CSMD3: variants seen among roughly 807,000 people sequenced by gnomAD.
The protein encoded by CSMD3 is CUB and Sushi multiple domains 3.
A neutral mutation model predicts 435.2 loss-of-function variants in CSMD3; 177 were observed. That is an observed-to-expected ratio of 0.41 (90% confidence interval 0.36 to 0.46). The LOEUF is 0.46. Among genes scored for constraint, CSMD3 ranks in the 20% least tolerant of loss-of-function variants. The pLI, the probability that CSMD3 is intolerant of heterozygous loss-of-function variation, is 0.34. For missense variants in CSMD3, 4,265 were observed against 4,504.6 expected (o/e 0.95, Z 1.52); for synonymous variants, 1,656 against 1,520.5 (o/e 1.09, Z -2.07).
chr8:113,210,454 A>T (rs1255405849), intron 3 of CSMD3, among the ~76,000 whole-genome samples: 1 of 152,148 alleles, frequency 6.6e-6, no homozygotes, highest in Non-Finnish European at 1.5e-5. Context: ...TAAATACGAA[A>T]AATATCAATA....
At chr8:113,419,617 C>A (rs1443540951) in intron 1 of CSMD3, among the ~76,000 whole-genome samples, 1 of 152,078 alleles carries the variant, frequency 6.6e-6, no homozygotes, top group South Asian at 2.1e-4. Flanking sequence ...GCTCTCAATT[C>A]TTTACTTGGG....
chr8:113,265,745 C>A (rs2132383470), intron 3 of CSMD3, among the ~76,000 whole-genome samples: 1 of 151,528 alleles, frequency 6.6e-6, no homozygotes, highest in Non-Finnish European at 1.5e-5. Flanking sequence ...ACATTTACAA[C>A]TGCTTAGAAG....
intron 4 of CSMD3, among the ~76,000 whole-genome samples, chr8:113,161,348 G>C (rs2131834451): frequency 6.6e-6 from 1 of 152,240 alleles, no homozygotes; most frequent in South Asian, 2.1e-4. Context: ...CCAGTGTAAA[G>C]TTTGGCAGGT....
chr8:112,573,317 G>A (rs1388760056), intron 24 of CSMD3, among the ~76,000 whole-genome samples, 184 bp downstream of exon 24: 2 of 151,838 alleles, frequency 1.3e-5, no homozygotes, highest in African/African-American at 2.4e-5. Context: ...ACTGTAAAAT[G>A]GCAATAGCTA....
chr8:113,427,999 T>G (rs909141690), intron 1 of CSMD3, among the ~76,000 whole-genome samples: 4 of 151,776 alleles, frequency 2.6e-5, no homozygotes, highest in East Asian at 1.9e-4. Flanking sequence ...TTTATCTTAC[T>G]TAATGTGCTA....
At chr8:112,806,265 A>C (rs1029277333) in intron 12 of CSMD3, among the ~76,000 whole-genome samples, 11 of 152,206 alleles carry the variant, frequency 7.2e-5, no homozygotes, top group African/African-American at 2.7e-4. Flanking sequence ...CAAATTTTGC[A>C]AAGACTTTCC....
chr8:112,886,057 C>A (rs2081579625), intron 10 of CSMD3, among the ~76,000 whole-genome samples: 1 of 151,744 alleles, frequency 6.6e-6, no homozygotes, highest in East Asian at 2.0e-4. Flanking sequence ...ATTACCCAAT[C>A]CGAAAGATGT....
At position 112,228,840 on chromosome 8, in the gene CSMD3, T is replaced by G; in HGVS notation, c.10880A>C (p.Asn3627Thr). 4 of 1,591,170 alleles carry G rather than the reference T, an allele frequency of 2.5e-6. No individual in the cohort carries two copies. Among genetic ancestry groups the G allele is most frequent in the Non-Finnish European group, 3.4e-6 (4 of 1,159,908 alleles). ...AATAGCAATGGCTACAGAACTACTA[T>G]TTGTACCATGAGGTTGATTTGAAGA... ...SNSSNQPHGT[N>T]SSSVAIAILV... Residue 3627 changes from asparagine (N) to threonine (T), a missense_variant, in exon 70 of 71, where the codon AAT (asparagine) becomes ACT (threonine). Physicochemically the swap from Asn to Thr is moderately conservative, Grantham distance 65. This residue lies in a region of CSMD3 where 3,255 missense variants were observed against 3,380.2 expected (regional missense o/e 0.96). Transcript: ENST00000297405.
In CSMD3 at chr8:112,947,006, AT is replaced by A. The variant is rs1232808539; in HGVS notation, c.1508+783del. ...TAAAATGAATAAGTAAAAATAAAAA[AT>A]ATGTGGTATCTGTAACTATAAACAT... On this transcript the variant is annotated intron_variant, in intron 9 of 70. Transcript: ENST00000297405. Among the ~76,000 whole-genome samples, 7 of 151,698 alleles carry A rather than the reference AT, an allele frequency of 4.6e-5. No homozygotes were observed. The Admixed American group carries it at 4.6e-4, about 10-fold the overall frequency.
intron 35 of CSMD3, among the ~76,000 whole-genome samples, chr8:112,392,993 G>A (rs561223064): frequency 2.0e-5 from 3 of 150,730 alleles, no homozygotes; most frequent in African/African-American, 7.3e-5. Context: ...AGCCTACAGA[G>A]TAGCTAGGAC....
rs2130967350 is a variant in CSMD3, at chr8:112,337,712, A to G, written c.6672T>C (p.Cys2224=). 1 of 1,613,284 alleles carries G rather than the reference A, an allele frequency of 6.2e-7. No homozygotes were observed. Among genetic ancestry groups the G allele is most frequent in the Non-Finnish European group, 8.5e-7 (1 of 1,179,292 alleles). ...IVYQAYQLQS[C]PDPRPFRNGF... is the part of the protein sequence containing the mutation. ...CATTTCGAAACGGGCGTGGATCAGG[A>G]CAGCTTTGCAACTGATAGGCTGGAA... The change falls in exon 43 of 71, where the codon TGT becomes TGC. Residue 2224 remains cysteine (C), a synonymous_variant. Coordinates refer to ENST00000297405, the MANE Select transcript of CSMD3 (RefSeq NM_198123.2).
intron 35 of CSMD3, among the ~76,000 whole-genome samples, chr8:112,402,131 A>G (rs978607397): frequency 1.8e-4 from 28 of 152,202 alleles, no homozygotes; most frequent in African/African-American, 6.5e-4. Context: ...AGCCATAATG[A>G]ACCTATGAAG....
At chr8:112,975,778 T>A in intron 7 of CSMD3, 59 bp downstream of exon 7, 1 of 1,610,244 alleles carries the variant, frequency 6.2e-7, no homozygotes. Flanking sequence ...ATTAGAATCA[T>A]TACCAAAATA....
At chr8:112,942,539 A>G (rs936814413) in intron 9 of CSMD3, among the ~76,000 whole-genome samples, 1 of 151,824 alleles carries the variant, frequency 6.6e-6, no homozygotes, top group Non-Finnish European at 1.5e-5. Context: ...GCCATAAAAA[A>G]ATGAGTTCAT....
At chr8:112,640,635 G>T (rs1243866678) in intron 20 of CSMD3, among the ~76,000 whole-genome samples, 1 of 151,356 alleles carries the variant, frequency 6.6e-6, no homozygotes, top group Non-Finnish European at 1.5e-5. Context: ...CAATACAAGA[G>T]CCCTTTTAGA....
chr8:113,014,238 C>T (rs1229654839), intron 6 of CSMD3, among the ~76,000 whole-genome samples: 1 of 152,110 alleles, frequency 6.6e-6, no homozygotes, highest in Non-Finnish European at 1.5e-5. Flanking sequence ...GTTCCCACTT[C>T]CTTGGCTTTC....
chr8:113,355,267 ATAAC>A (rs1203507997), intron 1 of CSMD3, among the ~76,000 whole-genome samples: 1 of 152,018 alleles, frequency 6.6e-6, no homozygotes, highest in Non-Finnish European at 1.5e-5. Context: ...GTGTACATAT[ATAAC>A]ACACACACAC....
intron 7 of CSMD3, among the ~76,000 whole-genome samples, chr8:112,967,891 A>C (rs1393065902): frequency 6.6e-6 from 1 of 151,874 alleles, no homozygotes; most frequent in Admixed American, 6.6e-5. Context: ...AAGTAAAGAG[A>C]AAAAAGAAAA....
At chr8:113,258,841 G>A (rs187042702) in intron 3 of CSMD3, among the ~76,000 whole-genome samples, 77 of 152,238 alleles carry the variant, frequency 5.1e-4, no homozygotes, top group Admixed American at 2.0e-4. Flanking sequence ...GTCCAGGGAT[G>A]AGACGATAGT....
Sources: allele counts gnomAD v4.1 joint callset (sites outside exome capture counted in the v4.1 genomes callset), GRCh38; gene constraint gnomAD v4.1.1; regional missense constraint gnomAD v4.1.1; transcripts MANE v1.5; gene names NCBI Gene and HGNC (gene_info 2026-07-23, HGNC 2026-07-21).